The following HRH1 variants were observed in gnomAD, a reference collection of about 807,000 sequenced individuals.
HRH1 encodes histamine receptor H1.
In HRH1, 6 loss-of-function variants were observed where a neutral mutation model predicts 10.3. The observed-to-expected ratio is 0.58, with a 90% confidence interval of 0.32 to 1.15. The LOEUF is 1.15. Among genes scored for constraint, HRH1 ranks in the 50% most tolerant of loss-of-function variants. The pLI is 0.05. For missense variants in HRH1, 514 were observed against 615.3 expected (o/e 0.84, Z 1.74); for synonymous variants, 242 against 236.7 (o/e 1.02, Z -0.21).
chr3:11,201,888 G>A (rs1005749087), intron 1 of HRH1, among the ~76,000 whole-genome samples: 10 of 152,138 alleles, frequency 6.6e-5, no homozygotes, highest in African/African-American at 1.4e-4. Flanking sequence ...TTTGTCTGCC[G>A]CCCAGGCCTG....
chr3:11,221,084 A>C (rs1421319604), intron 1 of HRH1, among the ~76,000 whole-genome samples: 1 of 152,216 alleles, frequency 6.6e-6, no homozygotes, highest in African/African-American at 2.4e-5. Flanking sequence ...GTAACAACTC[A>C]ATCAATGCTG....
chr3:11,145,992 T>A (rs1489346327), intron 1 of HRH1, among the ~76,000 whole-genome samples: 1 of 152,234 alleles, frequency 6.6e-6, no homozygotes, highest in Non-Finnish European at 1.5e-5. Flanking sequence ...GTTTCCAGTT[T>A]GGGCTATTAT....
chr3:11,174,065 T>C (rs933233281), intron 1 of HRH1, among the ~76,000 whole-genome samples: 4 of 152,230 alleles, frequency 2.6e-5, no homozygotes, highest in Admixed American at 2.6e-4. Context: ...TTTTAACTTC[T>C]CAGAAGCCTT....
At position 11,154,633 on chromosome 3, in the gene HRH1, GT is replaced by G. The variant is rs1559254355; in HGVS notation, c.-36+81del. On this transcript the variant is annotated intron_variant, in intron 1 of 1. Coordinates refer to ENST00000431010, the MANE Select transcript of HRH1 (RefSeq NM_001098212.2). This position sits in a 1 kb window ranked among gnomAD's most constrained non-coding sequence, Gnocchi z 4.4. Reference sequence around the variant, plus strand: ...CGAGGCTGCGCGCTGGCCAGGCTGGGTTCCGGGCATCCCGGCAGGGCGGCCG... The same window carrying G: ...CGAGGCTGCGCGCTGGCCAGGCTGGGTCCGGGCATCCCGGCAGGGCGGCCG... 6.6e-6 allele frequency: 1 copy of G among 151,968 alleles called. No individual in the cohort carries two copies. Among genetic ancestry groups the G allele is most frequent in the African/African-American group, 2.4e-5 (1 of 41,424 alleles). The allele number at this position is 151,968 out of a possible 1,614,324, so 9.4% of individuals were successfully genotyped here. A position where few individuals can be genotyped will look rare whatever the true frequency, so the allele number is the denominator to read the frequency against.
intron 1 of HRH1, among the ~76,000 whole-genome samples, chr3:11,144,345 ATGTGTG>A (rs112938608): frequency 3.1e-4 from 44 of 139,958 alleles, no homozygotes; most frequent in Non-Finnish European, 4.6e-4. Context: ...TGATATGTAT[ATGTGTG>A]TGTGTGTGTG....
intron 1 of HRH1, among the ~76,000 whole-genome samples, chr3:11,213,277 T>C (rs1938386281): frequency 6.6e-6 from 1 of 152,184 alleles, no homozygotes; most frequent in African/African-American, 2.4e-5. Flanking sequence ...TAAGTAAAGA[T>C]TGGTTGATTG....
chr3:11,258,103 T>A (rs1267594246), intron 1 of HRH1, among the ~76,000 whole-genome samples: 1 of 152,198 alleles, frequency 6.6e-6, no homozygotes, highest in Non-Finnish European at 1.5e-5. Flanking sequence ...CCTTCTCACT[T>A]GAGAATTTTC....
chr3:11,231,277 A>C (rs987472747), intron 1 of HRH1, among the ~76,000 whole-genome samples: 1 of 152,236 alleles, frequency 6.6e-6, no homozygotes, highest in Admixed American at 6.5e-5. Context: ...GCTATTATGA[A>C]TAAAACTGCT....
At chr3:11,203,499 T>C (rs1938008396) in intron 1 of HRH1, among the ~76,000 whole-genome samples, 1 of 152,212 alleles carries the variant, frequency 6.6e-6, no homozygotes, top group African/African-American at 2.4e-5. Flanking sequence ...GTTTTATGCT[T>C]AGGCTTATGG....
intron 1 of HRH1, among the ~76,000 whole-genome samples, chr3:11,144,799 A>T (rs1349003082): frequency 3.3e-5 from 5 of 151,936 alleles, no homozygotes; most frequent in Non-Finnish European, 7.4e-5. Context: ...TGAACCCAGG[A>T]GGCAGAGGTT....
In HRH1 at chr3:11,164,513, G is replaced by GTGTTT. The variant is rs55637138; in HGVS notation, c.-36+9986_-36+9990dup. 2.1e-3 allele frequency among the ~76,000 whole-genome samples: 316 copies of GTGTTT among 151,508 alleles called. 2 individuals carry two copies. The highest frequency in any genetic ancestry group is 0.01 in the Middle Eastern group (3 of 294). ...ACTCCTTGAGAGATGGAAATTGATG[G>GTGTTT]TGTTTTGTTTTGTTTTGTTTTGTTT... is the stretch of plus-strand genomic sequence containing the variant. On this transcript the variant is annotated intron_variant, in intron 1 of 1. Transcript: ENST00000431010.
chr3:11,208,275 C>T (rs1938210133), intron 1 of HRH1, among the ~76,000 whole-genome samples: 1 of 151,928 alleles, frequency 6.6e-6, no homozygotes, highest in Admixed American at 6.6e-5. Flanking sequence ...GACTCAGCCT[C>T]CCAAGTAGCT....
rs536054283 is a variant in HRH1, at chr3:11,149,470, T to C, written c.-36+12071T>C. ...AAACAATTAGAAAACCTGGGTAGAA[T>C]TGTTCAAAGAAAATAAAAATCTGTT... On this transcript the variant is annotated intron_variant, in intron 1 of 1. Transcript: ENST00000438284. 1.8e-4 allele frequency among the ~76,000 whole-genome samples: 28 copies of C among 152,310 alleles called. 1 individual carries two copies. The highest frequency in any genetic ancestry group is 6.3e-4 in the African/African-American group (26 of 41,566).
intron 1 of HRH1, among the ~76,000 whole-genome samples, chr3:11,137,642 G>C (rs1936208404): frequency 6.6e-6 from 1 of 152,136 alleles, no homozygotes; most frequent in Non-Finnish European, 1.5e-5. Flanking sequence ...GTGGAGTGAT[G>C]GGGGAGGAGT....
intron 1 of HRH1, among the ~76,000 whole-genome samples, chr3:11,250,211 T>C (rs1290019029): frequency 1.3e-5 from 1 of 79,544 alleles, no homozygotes; most frequent in Non-Finnish European, 2.2e-5. Context: ...CCGGCTAATT[T>C]TTTTTTTTTT....
intron 1 of HRH1, among the ~76,000 whole-genome samples, chr3:11,198,466 C>T (rs1014841995): frequency 3.3e-5 from 5 of 152,058 alleles, no homozygotes; most frequent in East Asian, 1.9e-4. Context: ...TTATAATAAT[C>T]GCTGCTGTTC....
rs533772129 is a variant in HRH1, at chr3:11,142,396, T to G, written c.-36+4997T>G. ...CAATTACCATTCATTGAGGACCTAC[T>G]CTGGGCCAGTTACTGCTCTAAGTGC... is the stretch of plus-strand genomic sequence containing the variant. On this transcript the variant is annotated intron_variant, in intron 1 of 1. Transcript: ENST00000438284. Among the ~76,000 whole-genome samples the G allele has an allele frequency of 3.9e-5, 6 of 152,346 alleles. No individual in the cohort carries two copies. The South Asian group carries it at 1.0e-3, about 26-fold the overall frequency.
At chr3:11,201,350 G>A (rs984206960) in intron 1 of HRH1, among the ~76,000 whole-genome samples, 2 of 152,180 alleles carry the variant, frequency 1.3e-5, no homozygotes, top group Admixed American at 1.3e-4. Context: ...TAGGCAAAGG[G>A]GACAGCATGT....
chr3:11,180,948 TACACACACACACACAC>T lies in HRH1; in HGVS notation c.-36+26431_-36+26446del, dbSNP rs71055851. ...TGTGGACATACACTTCTCTCAGGCA[TACACACACACACACAC>T]ACACACACACACACACACACACACA... On this transcript the variant is annotated intron_variant, in intron 1 of 1. Coordinates refer to ENST00000431010, the MANE Select transcript of HRH1 (RefSeq NM_001098212.2). Among the ~76,000 whole-genome samples the T allele has an allele frequency of 5.1e-3, 613 of 121,114 alleles. 11 individuals carry two copies. Among genetic ancestry groups the T allele is most frequent in the African/African-American group, 0.017 (550 of 32,560 alleles). 79.5% of individuals were successfully genotyped at this position (121,114 alleles called of 152,430 possible).
Sources: gnomAD v4.1 joint callset for allele counts (sites outside exome capture counted in the v4.1 genomes callset) on GRCh38, gnomAD v4.1.1 for gene constraint, Gnocchi (gnomAD v3.1) non-coding constraint, MANE v1.5 for transcripts, NCBI Gene and HGNC (gene_info 2026-07-23, HGNC 2026-07-21) for gene names.